CACNA2D4: variants seen among roughly 807,000 people sequenced by gnomAD.
CACNA2D4 encodes calcium voltage-gated channel auxiliary subunit alpha2delta 4, also known as voltage-dependent calcium channel subunit alpha-2/delta-4.
CACNA2D4 carries 157 observed loss-of-function variants against 163.8 expected under a neutral mutation model. That is an observed-to-expected ratio of 0.96 (90% CI 0.84 to 1.09). The LOEUF is 1.09. Ranked by LOEUF, CACNA2D4 falls within the 50% of genes least tolerant of loss-of-function variation. The pLI, the probability that CACNA2D4 is intolerant of heterozygous loss-of-function variation, is 0.00. For synonymous variants in CACNA2D4, 598 were observed against 586.9 expected (o/e 1.02, Z -0.27); for missense variants, 1,410 against 1,479.9 (o/e 0.95, Z 0.78).
chr12:1,902,139 T>C (rs537210036), intron 6 of CACNA2D4, among the ~76,000 whole-genome samples: 1 of 151,972 alleles, frequency 6.6e-6, no homozygotes, highest in South Asian at 2.1e-4. Context: ...TGATGCAGAA[T>C]AAGCATTTGA....
At chr12:1,801,799 C>G (rs1863343015) in intron 29 of CACNA2D4, among the ~76,000 whole-genome samples, 155 bp from the exon 30 acceptor site, 1 of 152,194 alleles carries the variant, frequency 6.6e-6, no homozygotes, top group African/African-American at 2.4e-5. Flanking sequence ...CAGCTGAACC[C>G]TTCCACCCAC....
In CACNA2D4 at chr12:1,895,694, C is replaced by T. The variant is rs1272110975; in HGVS notation, c.782-8625G>A. On this transcript the variant is annotated intron_variant, in intron 6 of 37. Coordinates refer to ENST00000382722, the MANE Select transcript of CACNA2D4 (RefSeq NM_172364.5). ...TGCCACCCAGGCTGGAGTGCAATGGCGTGCAAGACTCACAGCAGTCTTGAA... is the reference window on the plus strand; with the variant it reads ...TGCCACCCAGGCTGGAGTGCAATGGTGTGCAAGACTCACAGCAGTCTTGAA... Among the ~76,000 whole-genome samples, 6 of 152,050 alleles carry T rather than the reference C, an allele frequency of 3.9e-5. No homozygotes were observed. The East Asian group carries it at 7.7e-4, about 20-fold the overall frequency.
rs142721478 is a variant in CACNA2D4 at position 1,802,107 on chromosome 12, C to T, written c.2722-463G>A. Among the ~76,000 whole-genome samples, 69 of 151,372 alleles carry T rather than the reference C, an allele frequency of 4.6e-4. No homozygotes were observed. Among genetic ancestry groups the T allele is most frequent in the African/African-American group, 1.5e-3 (62 of 41,266 alleles). ...TTCTGCAGGTCAAGGTCAGAAGCAG[C>T]GCCTGTCTCATGCACGCTGGTGTCC... On this transcript the variant is annotated intron_variant, in intron 29 of 37. Coordinates refer to ENST00000382722, the MANE Select transcript of CACNA2D4 (RefSeq NM_172364.5). The surrounding 1 kb of genome is among the most constrained non-coding windows in gnomAD (Gnocchi z 4.7).
At chr12:1,825,012 G>T (rs1721675186) in intron 26 of CACNA2D4, among the ~76,000 whole-genome samples, 1 of 152,236 alleles carries the variant, frequency 6.6e-6, no homozygotes, top group African/African-American at 2.4e-5. Flanking sequence ...GAACCTGGGG[G>T]CCTTGTTTTC....
At chr12:1,864,954 A>G (rs1376846059) in intron 18 of CACNA2D4, among the ~76,000 whole-genome samples, 1 of 152,010 alleles carries the variant, frequency 6.6e-6, no homozygotes, top group African/African-American at 2.4e-5. Flanking sequence ...GAAGCCCAGG[A>G]CCGTGGTGCC....
chr12:1,824,429 C>T (rs554236056), intron 26 of CACNA2D4, among the ~76,000 whole-genome samples: 1 of 152,344 alleles, frequency 6.6e-6, no homozygotes, highest in African/African-American at 2.4e-5. Context: ...CAGAGTTCCT[C>T]ATTTGACTGC....
chr12:1,819,851 C>T (rs1864022400), intron 26 of CACNA2D4, among the ~76,000 whole-genome samples: 1 of 152,182 alleles, frequency 6.6e-6, no homozygotes, highest in East Asian at 1.9e-4. Flanking sequence ...CTGCAGGCTG[C>T]CCTGTGCCCA....
In CACNA2D4 at chr12:1,917,642, C is replaced by T. The variant is rs886940; in HGVS notation, c.227+605G>A. 0.57 allele frequency among the ~76,000 whole-genome samples: 87,196 copies of T among 151,914 alleles called. 25,327 individuals are homozygous for T. The highest frequency in any genetic ancestry group is 0.64 in the Admixed American group (9,845 of 15,274). On this transcript the variant is annotated intron_variant, in intron 1 of 37. Transcript: ENST00000382722. The surrounding 1 kb of genome is among the most constrained non-coding windows in gnomAD (Gnocchi z 4.3). ...ACACCAAGGTGCACATGACTGATAC[C>T]GGGTTCTTTCCTGGAGCCGGTCTTA...
chr12:1,840,861 G>T (rs546829030), intron 25 of CACNA2D4, 42 bp from the exon 26 acceptor site: 4 of 1,550,726 alleles, frequency 2.6e-6, no homozygotes, highest in East Asian at 2.2e-5. Flanking sequence ...AAGAGCTGTG[G>T]TTGGGGCAGG....
At chr12:1,873,642 A>ATGTGT (rs1865828754) in intron 18 of CACNA2D4, among the ~76,000 whole-genome samples, 1 of 152,212 alleles carries the variant, frequency 6.6e-6, no homozygotes, top group African/African-American at 2.4e-5. Flanking sequence ...GCATGTGATC[A>ATGTGT]GGAATCTGGT....
chr12:1,891,461 A>T (rs1866278590), intron 6 of CACNA2D4, among the ~76,000 whole-genome samples: 1 of 152,220 alleles, frequency 6.6e-6, no homozygotes, highest in African/African-American at 2.4e-5. Context: ...AATTTTAAAA[A>T]TGGGAAGATG....
chr12:1,851,414 C>T (rs1249865786), intron 23 of CACNA2D4, among the ~76,000 whole-genome samples: 2 of 152,180 alleles, frequency 1.3e-5, no homozygotes, highest in Non-Finnish European at 2.9e-5. Context: ...CTCCATATGG[C>T]TCTCAAACCG....
Position 1,799,673 on chromosome 12 carries a change from A to T in CACNA2D4, c.2995+2T>A. 6.4e-7 allele frequency: 1 copy of T among 1,569,828 alleles called. No homozygotes were observed. The highest frequency in any genetic ancestry group is 8.6e-7 in the Non-Finnish European group (1 of 1,157,706). ...AGGGATGGCCTCAGCTGGGCTACTTACAGTGATGGAAGACACTTTTGGCTG... is the reference window on the plus strand; with the variant it reads ...AGGGATGGCCTCAGCTGGGCTACTTTCAGTGATGGAAGACACTTTTGGCTG... On this transcript the variant is annotated splice_donor_variant, in intron 34 of 37. Transcript: ENST00000382722. LOFTEE classifies it high-confidence loss of function. This position sits in a 1 kb window ranked among gnomAD's most constrained non-coding sequence, Gnocchi z 4.7.
chr12:1,854,556 C>T (rs1028759459), intron 22 of CACNA2D4, among the ~76,000 whole-genome samples: 18 of 152,296 alleles, frequency 1.2e-4, no homozygotes, highest in African/African-American at 4.1e-4. Flanking sequence ...CAGGTGCACA[C>T]CACCACACCT....
At chr12:1,808,571 C>G (rs1863614496) in intron 29 of CACNA2D4, among the ~76,000 whole-genome samples, 2 of 152,228 alleles carry the variant, frequency 1.3e-5, no homozygotes, top group Admixed American at 6.5e-5. Context: ...GCTCGCCTAC[C>G]CCTGCTCTTG....
chr12:1,818,063 C>T (rs1324779271), intron 26 of CACNA2D4, among the ~76,000 whole-genome samples: 8 of 151,012 alleles, frequency 5.3e-5, no homozygotes, highest in African/African-American at 1.2e-4. Flanking sequence ...GGCCGCCCAT[C>T]GTCTGAGATG....
chr12:1,852,668 C>T (rs1220899369), intron 23 of CACNA2D4, among the ~76,000 whole-genome samples: 1 of 152,142 alleles, frequency 6.6e-6, no homozygotes, highest in Non-Finnish European at 1.5e-5. Flanking sequence ...ATTTCCTTCT[C>T]AATATTTCTC....
At chr12:1,855,713 C>T (rs1295717796) in intron 22 of CACNA2D4, among the ~76,000 whole-genome samples, 1 of 152,200 alleles carries the variant, frequency 6.6e-6, no homozygotes, top group Non-Finnish European at 1.5e-5. Context: ...CTGAATGGTG[C>T]TTTCTCCTGA....
intron 14 of CACNA2D4, 62 bp from the exon 15 acceptor site, chr12:1,879,098 G>A (rs907867258): frequency 1.7e-5 from 24 of 1,376,710 alleles, no homozygotes; most frequent in Non-Finnish European, 2.2e-5. Context: ...GGTTAGACTG[G>A]ACCCTGGGCC....
Sources: allele counts gnomAD v4.1 joint callset (sites outside exome capture counted in the v4.1 genomes callset), GRCh38; gene constraint gnomAD v4.1.1; non-coding constraint Gnocchi (gnomAD v3.1); transcripts MANE v1.5; gene names NCBI Gene and HGNC (gene_info 2026-07-23, HGNC 2026-07-21).